PLOD2: variants seen among roughly 807,000 people sequenced by gnomAD.
PLOD2 encodes the protein lysine hydroxylase 2.
PLOD2 carries 65 observed loss-of-function variants against 101.0 expected under a neutral mutation model. That is an observed-to-expected ratio of 0.64 (90% CI 0.53 to 0.79). PLOD2 has a LOEUF of 0.79. Among genes scored for constraint, PLOD2 ranks in the 30% least tolerant of loss-of-function variants. PLOD2 has a pLI of 0.00. For synonymous variants in PLOD2, 314 were observed against 302.9 expected, an observed-to-expected ratio of 1.04 and a Z score of -0.38; for missense variants, 909 against 914.6, an observed-to-expected ratio of 0.99 and a Z score of 0.08.
At chr3:146,112,198 C>G (rs1009653305) in intron 3 of PLOD2, among the ~76,000 whole-genome samples, 12 of 152,126 alleles carry the variant, frequency 7.9e-5, no homozygotes, top group African/African-American at 2.9e-4. Context: ...TACATGCACA[C>G]ATATGTCTAC....
chr3:146,109,609 G>C (rs1034067166), intron 4 of PLOD2, among the ~76,000 whole-genome samples: 1 of 152,086 alleles, frequency 6.6e-6, no homozygotes, highest in Non-Finnish European at 1.5e-5. Context: ...ATCCTATTTG[G>C]TTATGTCTTT....
chr3:146,070,553 A>G lies in PLOD2; in HGVS notation c.*164T>C, dbSNP rs1576567032. 1.8e-6 allele frequency: 1 copy of G among 552,592 alleles called. No homozygotes were observed. Among genetic ancestry groups the G allele is most frequent in the Non-Finnish European group, 3.2e-6 (1 of 308,690 alleles). The allele number at this position is 552,592 out of a possible 1,614,324, so 34.2% of individuals were successfully genotyped here. A position where few individuals can be genotyped will look rare whatever the true frequency, so the allele number is the denominator to read the frequency against. The stretch of plus-strand genomic sequence containing the variant: ...CTCAGAGCAGACATTAAGAAATATC[A>G]AACAATTTTTTATAAAAAGTTTTTC... On this transcript the variant is annotated 3_prime_UTR_variant, in exon 20 of 20. Coordinates refer to ENST00000282903, the MANE Select transcript of PLOD2 (RefSeq NM_182943.3).
chr3:146,105,368 T>C (rs942105019), intron 5 of PLOD2, among the ~76,000 whole-genome samples: 1 of 152,106 alleles, frequency 6.6e-6, no homozygotes, highest in African/African-American at 2.4e-5. Flanking sequence ...TTCTCAAATA[T>C]TTGAAATCCA....
intron 8 of PLOD2, among the ~76,000 whole-genome samples, chr3:146,088,975 A>C (rs1936882841): frequency 6.6e-6 from 1 of 151,622 alleles, no homozygotes; most frequent in Admixed American, 6.6e-5. Flanking sequence ...ACATGAATGT[A>C]ATTCATGGTA....
chr3:146,088,135 T>C (rs889868918), intron 9 of PLOD2, among the ~76,000 whole-genome samples: 1 of 151,654 alleles, frequency 6.6e-6, no homozygotes, highest in Non-Finnish European at 1.5e-5. Flanking sequence ...AGTATCAAAA[T>C]CCTTTGGGGA....
chr3:146,160,617 A>C (rs889181818), intron 1 of PLOD2, among the ~76,000 whole-genome samples: 1 of 152,074 alleles, frequency 6.6e-6, no homozygotes, highest in African/African-American at 2.4e-5. Flanking sequence ...TCCAAAAGGA[A>C]ACTCCAACTT....
chr3:146,141,755 T>C (rs1489808741), intron 1 of PLOD2, among the ~76,000 whole-genome samples: 7 of 152,128 alleles, frequency 4.6e-5, no homozygotes, highest in African/African-American at 1.4e-4. Context: ...CCTGTCTTCA[T>C]GGGTCTTACA....
At chr3:146,156,138 A>G (rs2032296311) in intron 1 of PLOD2, among the ~76,000 whole-genome samples, 1 of 152,222 alleles carries the variant, frequency 6.6e-6, no homozygotes, top group African/African-American at 2.4e-5. Flanking sequence ...GAGAAACTCT[A>G]TGTTTGAACG....
intron 1 of PLOD2, among the ~76,000 whole-genome samples, chr3:146,156,862 C>T (rs2032321054): frequency 6.6e-6 from 1 of 152,232 alleles, no homozygotes; most frequent in Non-Finnish European, 1.5e-5. Context: ...CTGCTTTCCA[C>T]CTATGTGAGC....
intron 6 of PLOD2, 107 bp from the exon 7 acceptor site, chr3:146,102,959 C>T: frequency 1.5e-6 from 1 of 669,062 alleles, no homozygotes; most frequent in Non-Finnish European, 2.7e-6. Context: ...TACAAAATTT[C>T]TCATGGATGT....
intron 8 of PLOD2, among the ~76,000 whole-genome samples, chr3:146,090,602 T>A (rs890576493): frequency 1.4e-4 from 21 of 151,720 alleles, no homozygotes; most frequent in South Asian, 4.1e-4. Flanking sequence ...TATTCTGGCA[T>A]TCTTTGCAGA....
At chr3:146,119,956 C>T (rs2029969096) in intron 3 of PLOD2, among the ~76,000 whole-genome samples, 1 of 152,034 alleles carries the variant, frequency 6.6e-6, no homozygotes, top group South Asian at 2.1e-4. Flanking sequence ...GGGTATATAC[C>T]CAGTAATGGG....
At chr3:146,148,344 A>G (rs945810125) in intron 1 of PLOD2, among the ~76,000 whole-genome samples, 9 of 151,324 alleles carry the variant, frequency 5.9e-5, no homozygotes, top group African/African-American at 1.7e-4. Flanking sequence ...GCACGCACAC[A>G]CACACACACA....
chr3:146,085,045 T>C lies in PLOD2; in HGVS notation c.1232+124A>G, dbSNP rs183548536. 813 of 587,414 alleles carry C rather than the reference T, an allele frequency of 1.4e-3. 2 individuals are homozygous for C. Among genetic ancestry groups the C allele is most frequent in the African/African-American group, 0.013 (708 of 52,536 alleles). The allele number at this position is 587,414 out of a possible 1,614,324, so 36.4% of individuals were successfully genotyped here. ...AAATAATTAACTTGAATTGAAAGTT[T>C]ATTAGCTGTAGAACATAACTAAGTT... On this transcript the variant is annotated intron_variant, in intron 11 of 19. Transcript: ENST00000282903.
intron 3 of PLOD2, among the ~76,000 whole-genome samples, chr3:146,112,835 G>A (rs1331504979): frequency 1.6e-5 from 2 of 124,658 alleles, no homozygotes; most frequent in Admixed American, 1.8e-4. Context: ...TGGTGACAGA[G>A]TGAGACTTGG....
chr3:146,113,230 G>T (rs1937731120), intron 3 of PLOD2, among the ~76,000 whole-genome samples: 1 of 152,120 alleles, frequency 6.6e-6, no homozygotes, highest in Admixed American at 6.5e-5. Context: ...TCACATAATT[G>T]CCTTTGAAGA....
intron 1 of PLOD2, among the ~76,000 whole-genome samples, chr3:146,155,343 A>C (rs1338940817): frequency 2.0e-5 from 3 of 151,980 alleles, no homozygotes; most frequent in African/African-American, 4.8e-5. Flanking sequence ...TAATTAATTA[A>C]TTAATTAAAT....
In PLOD2 at chr3:146,086,832, CCTA is replaced by C. The variant is rs1936793891; in HGVS notation, c.1079_1081del (p.Val360del). On this transcript the variant is annotated inframe_deletion, in exon 10 of 20. Coordinates refer to ENST00000282903, the MANE Select transcript of PLOD2 (RefSeq NM_182943.3). ...CGCTTGACTTAGATTTTCTTCTGGT[CCTA>C]CTATTTTTATAGTTTTGATTTCATG... The C allele has an allele frequency of 6.5e-7, 1 of 1,531,602 alleles. No individual in the cohort carries two copies. Among genetic ancestry groups the C allele is most frequent in the Non-Finnish European group, 8.9e-7 (1 of 1,123,088 alleles). 94.9% of individuals were successfully genotyped at this position (1,531,602 alleles called of 1,614,324 possible).
At chr3:146,112,849 CAAAA>C (rs201790733) in intron 3 of PLOD2, among the ~76,000 whole-genome samples, 1 of 92,138 alleles carries the variant, frequency 1.1e-5, no homozygotes, top group Non-Finnish European at 2.1e-5. Flanking sequence ...GACTTGGTCT[CAAAA>C]AAAAAAAAAA....
Sources: gnomAD v4.1 joint callset for allele counts (sites outside exome capture counted in the v4.1 genomes callset) on GRCh38, gnomAD v4.1.1 for gene constraint, MANE v1.5 for transcripts, NCBI Gene and HGNC (gene_info 2026-07-23, HGNC 2026-07-21) for gene names.